Variants in BAIAP2L2 observed in about 807,000 individuals in gnomAD.
BAIAP2L2 encodes BAR/IMD domain-containing adapter protein 2-like 2.
In BAIAP2L2, 65 loss-of-function variants were observed where a neutral mutation model predicts 60.4. The observed-to-expected ratio is 1.08, with a 90% confidence interval of 0.88 to 1.32. The LOEUF is 1.32. Among genes scored for constraint, BAIAP2L2 ranks in the 40% most tolerant of loss-of-function variants. BAIAP2L2 has a pLI of 0.00. For missense variants in BAIAP2L2, 836 were observed against 741.2 expected, an observed-to-expected ratio of 1.13 and a Z score of -1.48; for synonymous variants, 344 against 301.7, an observed-to-expected ratio of 1.14 and a Z score of -1.45.
At chr22:38,106,528 TA>T (rs71195083) in intron 4 of BAIAP2L2, among the ~76,000 whole-genome samples, 9,956 of 121,962 alleles carry the variant, frequency 0.082, 366 homozygotes, top group African/African-American at 0.15. Flanking sequence ...TCAAAAAAAT[TA>T]AAAAAAAAAA....
At chr22:38,096,975 C>G (rs2145995533) in intron 7 of BAIAP2L2, 57 bp downstream of exon 7, 2 of 1,561,078 alleles carry the variant, frequency 1.3e-6, no homozygotes, top group Non-Finnish European at 1.7e-6. Context: ...TGTACGGCCA[C>G]TCAGGAGGGG....
At chr22:38,099,718 GCAT>G (rs1225538487) in intron 4 of BAIAP2L2, among the ~76,000 whole-genome samples, 3 of 152,142 alleles carry the variant, frequency 2.0e-5, no homozygotes, top group Admixed American at 1.3e-4. Context: ...GGTTCAGGCT[GCAT>G]GGGACACAAG....
In BAIAP2L2 at chr22:38,086,987, C is replaced by T. The variant is rs533171710; in HGVS notation, c.1259+137G>A. 5 of 1,167,524 alleles carry T rather than the reference C, an allele frequency of 4.3e-6. No individual in the cohort carries two copies. The African/African-American group carries it at 8.9e-5, about 21-fold the overall frequency. 72.3% of individuals were successfully genotyped at this position (1,167,524 alleles called of 1,614,324 possible). On this transcript the variant is annotated intron_variant, in intron 11 of 13. Transcript: ENST00000381669. ...CTCCAGCCTGGGTGACAGGGTGAGACTCTGTCTCAAAAAAAAAAAAACAAA... is the reference window on the plus strand; with the variant it reads ...CTCCAGCCTGGGTGACAGGGTGAGATTCTGTCTCAAAAAAAAAAAAACAAA...
At chr22:38,092,700 G>A (rs2086334461) in intron 7 of BAIAP2L2, among the ~76,000 whole-genome samples, 1 of 152,184 alleles carries the variant, frequency 6.6e-6, no homozygotes. Context: ...TGCTCCCTAT[G>A]TGATATGGTT....
chr22:38,103,509 A>G (rs926510119), intron 4 of BAIAP2L2, among the ~76,000 whole-genome samples: 1 of 152,210 alleles, frequency 6.6e-6, no homozygotes, highest in Non-Finnish European at 1.5e-5. Flanking sequence ...CAGCACAAGT[A>G]GCAGATAAGC....
At chr22:38,086,816 T>C (rs967575055) in intron 11 of BAIAP2L2, among the ~76,000 whole-genome samples, 4 of 151,958 alleles carry the variant, frequency 2.6e-5, no homozygotes, top group East Asian at 3.9e-4. Flanking sequence ...GCCAACATAG[T>C]GAAACCCTGT....
chr22:38,085,966 G>T (rs1458156104), intron 12 of BAIAP2L2, among the ~76,000 whole-genome samples: 1 of 152,202 alleles, frequency 6.6e-6, no homozygotes, highest in African/African-American at 2.4e-5. Context: ...ACGCCCCCAG[G>T]ATAAGACCGG....
intron 7 of BAIAP2L2, chr22:38,089,985 A>G (rs933089807): frequency 8.4e-6 from 2 of 237,202 alleles, no homozygotes; most frequent in Non-Finnish European, 8.1e-6. Flanking sequence ...TGGCCACTCA[A>G]TCACCCCATC....
intron 7 of BAIAP2L2, among the ~76,000 whole-genome samples, chr22:38,096,760 A>C (rs1412318885): frequency 6.6e-6 from 1 of 152,250 alleles, no homozygotes; most frequent in Non-Finnish European, 1.5e-5. Flanking sequence ...GAATTAAAAA[A>C]TGGTCCACAC....
intron 4 of BAIAP2L2, among the ~76,000 whole-genome samples, chr22:38,105,344 T>C (rs35702177): frequency 0.013 from 570 of 44,276 alleles, 1 homozygote; most frequent in Middle Eastern, 0.071. Flanking sequence ...CTTTTCTTTT[T>C]TTTTTTTTTT....
At chr22:38,098,587 A>G (rs1243036037) in intron 4 of BAIAP2L2, 105 bp from the exon 5 acceptor site, 2 of 833,760 alleles carry the variant, frequency 2.4e-6, no homozygotes, top group Non-Finnish European at 3.8e-6. Flanking sequence ...CGTGCTCCTA[A>G]TATACCAGGC....
chr22:38,098,433 T>C lies in BAIAP2L2; in HGVS notation c.326A>G (p.Lys109Arg). The C allele has an allele frequency of 1.2e-6, 2 of 1,613,964 alleles. No homozygotes were observed. The highest frequency in any genetic ancestry group is 1.7e-6 in the Non-Finnish European group (2 of 1,179,902). Reference protein sequence around the residue: ...GLLQHMEKNTKLDMQFIKDSR... With the variant: ...GLLQHMEKNTRLDMQFIKDSR... Reference sequence around the variant, plus strand: ...CACTTTGATGAACTGCATGTCCAGCTTGGTGTTCTTCTCCATGTGCTGCAG... The same window carrying C: ...CACTTTGATGAACTGCATGTCCAGCCTGGTGTTCTTCTCCATGTGCTGCAG... Residue 109 changes from lysine to arginine, a missense_variant, in exon 5 of 14, where the codon AAG becomes AGG. Coordinates refer to ENST00000381669, the MANE Select transcript of BAIAP2L2 (RefSeq NM_025045.6).
At chr22:38,108,760 AGGTGGGACTGAGTATAGG>A (rs2086723606) in intron 2 of BAIAP2L2, among the ~76,000 whole-genome samples, 1 of 151,932 alleles carries the variant, frequency 6.6e-6, no homozygotes, top group African/African-American at 2.4e-5. Flanking sequence ...CTGGGTGCAG[AGGTGGGACTGAGTATAGG>A]GGTGGGTTCA....
rs75246035 is a variant in BAIAP2L2 at position 38,109,023 on chromosome 22, T to C, written c.127+110A>G. 2,734 of 906,818 alleles carry C rather than the reference T, an allele frequency of 3.0e-3. 51 individuals carry two copies. The African/African-American group carries it at 0.048, about 16-fold the overall frequency. 56.2% of individuals were successfully genotyped at this position (906,818 alleles called of 1,614,324 possible). On this transcript the variant is annotated intron_variant, in intron 2 of 13. Coordinates refer to ENST00000381669, the MANE Select transcript of BAIAP2L2 (RefSeq NM_025045.6). ...GGTGAGGGTGGTGGGTAGGAGGGTG[T>C]AGGGTTGAGGATGAACAGGTGTGGG...
At position 38,107,014 on chromosome 22, in the gene BAIAP2L2, C is replaced by T. The variant is rs571686162; in HGVS notation, c.276+838G>A. Among the ~76,000 whole-genome samples the T allele has an allele frequency of 3.3e-5, 5 of 152,180 alleles. No homozygotes were observed. In the South Asian group the frequency reaches 6.2e-4, roughly 19 times the overall value. ...GGCAGTAAGTAGGGGCCAGGGCAAA[C>T]GGTTTATGCTTATTAATTCACGTCA... On this transcript the variant is annotated intron_variant, in intron 4 of 13. Coordinates refer to ENST00000381669, the MANE Select transcript of BAIAP2L2 (RefSeq NM_025045.6).
intron 7 of BAIAP2L2, among the ~76,000 whole-genome samples, chr22:38,092,578 A>T (rs1009664995): frequency 1.3e-5 from 2 of 152,050 alleles, no homozygotes; most frequent in Non-Finnish European, 2.9e-5. Flanking sequence ...CGCCCACCCC[A>T]AATGTGCCTT....
intron 4 of BAIAP2L2, among the ~76,000 whole-genome samples, chr22:38,099,491 G>A (rs1268092437): frequency 2.6e-5 from 4 of 151,630 alleles, no homozygotes; most frequent in South Asian, 2.1e-4. Flanking sequence ...CGGAGATCAC[G>A]CCACTGCACT....
chr22:38,090,388 A>T (rs1436579852), intron 7 of BAIAP2L2: 2 of 152,134 alleles, frequency 1.3e-5, no homozygotes, highest in Non-Finnish European at 2.9e-5. Context: ...CTGGGATTAC[A>T]GGCGTGAGCC....
At chr22:38,108,383 G>T in intron 2 of BAIAP2L2, 42 bp from the exon 3 acceptor site, 1 of 1,492,382 alleles carries the variant, frequency 6.7e-7, no homozygotes. Context: ...CCCTGCCTCT[G>T]CCCCACCCTT....
Sources: gnomAD v4.1 joint callset for allele counts (sites outside exome capture counted in the v4.1 genomes callset) on GRCh38, gnomAD v4.1.1 for gene constraint, MANE v1.5 for transcripts, NCBI Gene and HGNC (gene_info 2026-07-23, HGNC 2026-07-21) for gene names.